Variants in PNPT1 observed in about 807,000 individuals in gnomAD.
PNPT1 encodes the protein polyribonucleotide nucleotidyltransferase 1, mitochondrial.
PNPT1 carries 53 observed loss-of-function variants against 119.5 expected under a neutral mutation model. The observed-to-expected ratio is 0.44, with a 90% CI of 0.36 to 0.56. The LOEUF is 0.56. PNPT1 is among the 20% of genes least tolerant of loss of function. The probability of loss-of-function intolerance (pLI) is 0.00; values close to 1 mark genes in which losing one functional copy is unlikely to be tolerated. For missense variants in PNPT1, 948 were observed against 938.5 expected (o/e 1.01, Z -0.13); for synonymous variants, 357 against 322.1 (o/e 1.11, Z -1.16).
At chr2:55,654,090 C>T (rs1296198291) in intron 18 of PNPT1, among the ~76,000 whole-genome samples, 3 of 152,110 alleles carry the variant, frequency 2.0e-5, no homozygotes, top group South Asian at 4.2e-4. Flanking sequence ...AACCCCGTCT[C>T]GACTAAAAAT....
rs1318691269 is a variant in PNPT1 at position 55,640,628 on chromosome 2, T to C, written c.2147A>G (p.Lys716Arg). 1.3e-6 allele frequency: 2 copies of C among 1,576,584 alleles called. No individual in the cohort carries two copies. Among genetic ancestry groups the C allele is most frequent in the Admixed American group, 3.4e-5 (2 of 59,620 alleles). The part of the protein sequence containing the change: ...LLHNTQLDQR[K>R]IKHPTALGLE... ...TAACAATAACATCTGTCTTTTTACC[T>C]TTCGTTGATCAAGTTGTGTGTTATG... Residue 716 changes from lysine to arginine, a missense_variant and splice_region_variant, in exon 26 of 28, where the codon AAG (lysine) becomes AGG (arginine). Physicochemically the swap from Lys to Arg is conservative, Grantham distance 26. Transcript: ENST00000447944.
Position 55,635,086 on chromosome 2 carries a change from A to G in PNPT1, c.*1151T>C, listed in dbSNP as rs1225272213. 1.3e-5 allele frequency: 2 copies of G among 152,296 alleles called. No homozygotes were observed. The highest frequency in any genetic ancestry group is 3.9e-4 in the East Asian group (2 of 5,176). The allele number at this position is 152,296 out of a possible 1,614,324, so 9.4% of individuals were successfully genotyped here. ...TATAAGATTTTAAAAAAGATTACACATTCTAAATTATGACGTCCACATACC... is the reference window on the plus strand; with the variant it reads ...TATAAGATTTTAAAAAAGATTACACGTTCTAAATTATGACGTCCACATACC... On this transcript the variant is annotated 3_prime_UTR_variant, in exon 28 of 28. Coordinates refer to ENST00000447944, the MANE Select transcript of PNPT1 (RefSeq NM_033109.5).
At chr2:55,691,514 G>A (rs757562012) in intron 1 of PNPT1, among the ~76,000 whole-genome samples, 1 of 152,156 alleles carries the variant, frequency 6.6e-6, no homozygotes, top group South Asian at 2.1e-4. Context: ...CACATGACAC[G>A]AGTTTAAAAA....
intron 2 of PNPT1, 133 bp from the exon 3 acceptor site, chr2:55,686,577 A>G (rs1697412238): frequency 3.1e-6 from 2 of 653,718 alleles, no homozygotes; most frequent in Non-Finnish European, 2.6e-6. Flanking sequence ...TTATGAAATA[A>G]AAAATATTCA....
intron 3 of PNPT1, 35 bp from the exon 4 acceptor site, chr2:55,685,083 T>A (rs1051350753): frequency 6.6e-7 from 1 of 1,509,708 alleles, no homozygotes; most frequent in African/African-American, 1.4e-5. Flanking sequence ...CATATAATTC[T>A]TTTTGCAGAA....
intron 15 of PNPT1, among the ~76,000 whole-genome samples, chr2:55,658,421 G>A (rs1174689808): frequency 3.3e-5 from 5 of 152,070 alleles, no homozygotes; most frequent in African/African-American, 7.2e-5. Flanking sequence ...CTTTTGAGGT[G>A]GCTGGCAATG....
chr2:55,685,862 C>G (rs1697390110), intron 3 of PNPT1, among the ~76,000 whole-genome samples: 1 of 152,154 alleles, frequency 6.6e-6, no homozygotes, highest in Admixed American at 6.5e-5. Flanking sequence ...TTTAAATCAT[C>G]TCTAGATTAC....
Position 55,683,779 on chromosome 2 carries a change from A to C in PNPT1, c.453+6T>G, listed in dbSNP as rs1697316955. 9 of 1,610,496 alleles carry C rather than the reference A, an allele frequency of 5.6e-6. No individual in the cohort carries two copies. Among genetic ancestry groups the C allele is most frequent in the Non-Finnish European group, 6.8e-6 (8 of 1,177,550 alleles). On this transcript the variant is annotated splice_donor_region_variant and intron_variant, in intron 5 of 27. Transcript: ENST00000447944. Reference sequence around the variant, plus strand: ...TGGCAACTAAAAAACCTAAAGCAGAATCTACCTGTGTATCATAGAAGTAGC... The same window carrying C: ...TGGCAACTAAAAAACCTAAAGCAGACTCTACCTGTGTATCATAGAAGTAGC...
At chr2:55,693,625 A>T (rs200353247) in intron 1 of PNPT1, 38 bp downstream of exon 1, 1 of 1,604,700 alleles carries the variant, frequency 6.2e-7, no homozygotes, top group African/African-American at 1.3e-5. Context: ...TGGACAAGAC[A>T]CCTTATGACA....
chr2:55,675,977 T>C (rs879868239), intron 8 of PNPT1, among the ~76,000 whole-genome samples: 3 of 152,204 alleles, frequency 2.0e-5, no homozygotes, highest in African/African-American at 4.8e-5. Context: ...ATGATTGCTA[T>C]AGGCCCAGCG....
At chr2:55,692,514 C>CT (rs34088817) in intron 1 of PNPT1, among the ~76,000 whole-genome samples, 3 of 151,504 alleles carry the variant, frequency 2.0e-5, no homozygotes, top group South Asian at 2.1e-4. Context: ...TTAAAGCAAA[C>CT]TTTTTTTTTA....
intron 18 of PNPT1, among the ~76,000 whole-genome samples, chr2:55,649,458 G>A (rs1167854630): frequency 6.6e-6 from 1 of 151,946 alleles, no homozygotes; most frequent in Non-Finnish European, 1.5e-5. Flanking sequence ...TATTTTTTTA[G>A]AAAGCTGTCC....
At chr2:55,658,394 T>C (rs919755685) in intron 15 of PNPT1, among the ~76,000 whole-genome samples, 17 of 152,204 alleles carry the variant, frequency 1.1e-4, no homozygotes, top group Middle Eastern at 3.2e-3. Context: ...GAGATTGGGA[T>C]GAAGAACATG....
chr2:55,649,380 G>C (rs1486076998), intron 18 of PNPT1, among the ~76,000 whole-genome samples: 1 of 152,118 alleles, frequency 6.6e-6, no homozygotes, highest in Non-Finnish European at 1.5e-5. Context: ...AAGCAACTAA[G>C]ACACTCATGC....
At chr2:55,664,920 T>C (rs1696688529) in intron 13 of PNPT1, among the ~76,000 whole-genome samples, 1 of 152,110 alleles carries the variant, frequency 6.6e-6, no homozygotes, top group Non-Finnish European at 1.5e-5. Flanking sequence ...AGTATAATTA[T>C]AATTATAAAT....
chr2:55,667,941 C>A lies in PNPT1; in HGVS notation c.994G>T (p.Asp332Tyr). The A allele has an allele frequency of 1.3e-6, 2 of 1,577,086 alleles. No homozygotes were observed. Among genetic ancestry groups the A allele is most frequent in the South Asian group, 1.2e-5 (1 of 84,578 alleles). ...EQLKEKFPEA[D>Y]PYEIIESFNV... ...AAGGATTCTATTATTTCATATGGAT[C>A]GGCTTCTGGAAATTTTTCTATAGAA... The change falls in exon 12 of 28, where the codon GAT (aspartate) becomes TAT (tyrosine). Residue 332 changes from aspartate to tyrosine, a missense_variant. By Grantham distance (160) the Asp-to-Tyr change is radical. Coordinates refer to ENST00000447944, the MANE Select transcript of PNPT1 (RefSeq NM_033109.5).
Position 55,686,872 on chromosome 2 carries a change from G to A in PNPT1, c.223-428C>T, listed in dbSNP as rs571394402. Reference sequence around the variant, plus strand: ...CGGCTGGGCACGGTCGCTCACACTTGTAATTGCAGCACTTTGCGGGGGCAA... The same window carrying A: ...CGGCTGGGCACGGTCGCTCACACTTATAATTGCAGCACTTTGCGGGGGCAA... On this transcript the variant is annotated intron_variant, in intron 2 of 27. Transcript: ENST00000447944. 9.4e-4 allele frequency among the ~76,000 whole-genome samples: 143 copies of A among 152,284 alleles called. 2 individuals are homozygous for A. In the South Asian group the frequency reaches 0.028, roughly 29 times the overall value.
intron 11 of PNPT1, 26 bp from the exon 12 acceptor site, chr2:55,667,984 A>G: frequency 6.4e-7 from 1 of 1,554,212 alleles, no homozygotes; most frequent in Non-Finnish European, 8.7e-7. Context: ...AAACCAAAAC[A>G]AAGATTTTTA....
chr2:55,657,390 T>G (rs1399780076), intron 15 of PNPT1, among the ~76,000 whole-genome samples: 1 of 151,788 alleles, frequency 6.6e-6, no homozygotes, highest in Non-Finnish European at 1.5e-5. Flanking sequence ...TTTTTTTTTG[T>G]TTTTTCTTTT....
Sources: gnomAD v4.1 joint callset for allele counts (sites outside exome capture counted in the v4.1 genomes callset) on GRCh38, gnomAD v4.1.1 for gene constraint, MANE v1.5 for transcripts, NCBI Gene and HGNC (gene_info 2026-07-23, HGNC 2026-07-21) for gene names.